DSC1: variants seen among roughly 807,000 people sequenced by gnomAD.
The protein encoded by DSC1 is desmocollin 1, also known as desmocollin-1.
DSC1 carries 79 observed loss-of-function variants against 98.8 expected under a neutral mutation model. The ratio of observed to expected loss-of-function variants is 0.80; its 90% CI spans 0.67 to 0.96. The LOEUF is 0.96. Among genes scored for constraint, DSC1 ranks in the 50% least tolerant of loss-of-function variants. DSC1 has a pLI of 0.00. For synonymous variants in DSC1, 405 were observed against 372.1 expected (o/e 1.09, Z -1.02); for missense variants, 1,115 against 1,075.9 (o/e 1.04, Z -0.51).
At chr18:31,131,351 C>A (rs1988484252) in intron 15 of DSC1, 2 of 515,998 alleles carry the variant, frequency 3.9e-6, no homozygotes, top group Admixed American at 6.9e-5. Flanking sequence ...AACCTTTTAT[C>A]CTTTGTAAAC....
At chr18:31,137,707 A>G (rs1284222954) in intron 11 of DSC1, among the ~76,000 whole-genome samples, 6 of 152,150 alleles carry the variant, frequency 3.9e-5, no homozygotes, top group African/African-American at 1.4e-4. Flanking sequence ...GTATTTAGAG[A>G]AGAACTGAAT....
At chr18:31,140,578 A>C (rs138690155) in intron 9 of DSC1, among the ~76,000 whole-genome samples, 115 of 152,300 alleles carry the variant, frequency 7.6e-4, no homozygotes, top group African/African-American at 2.7e-3. Flanking sequence ...TATTAATAGA[A>C]ATGCAAGATA....
chr18:31,148,608 G>T lies in DSC1; in HGVS notation c.662C>A (p.Ala221Glu), dbSNP rs1166200130. The change falls in exon 6 of 16, where the codon GCA becomes GAA. Residue 221 changes from alanine (A) to glutamate (E), a missense_variant. Coordinates refer to ENST00000257198, the MANE Select transcript of DSC1 (RefSeq NM_024421.2). ...GATCAAAGGGAGTGGATATTCTGGT[G>T]CATAGCCATCTGCAGTTGTTGCATA... is the stretch of plus-strand genomic sequence containing the variant. ...YGYATTADGY[A>E]PEYPLPLIIK... 1 of 1,604,486 alleles carries T rather than the reference G, an allele frequency of 6.2e-7. No individual in the cohort carries two copies. Among genetic ancestry groups the T allele is most frequent in the East Asian group, 2.2e-5 (1 of 44,758 alleles).
At chr18:31,151,341 C>T (rs1228194250) in intron 5 of DSC1, among the ~76,000 whole-genome samples, 1 of 152,070 alleles carries the variant, frequency 6.6e-6, no homozygotes, top group Non-Finnish European at 1.5e-5. Context: ...GAGCCTAACT[C>T]TCTAGGAGAA....
At chr18:31,134,901 T>C (rs1185773515) in intron 11 of DSC1, 117 bp from the exon 12 acceptor site, 1 of 923,960 alleles carries the variant, frequency 1.1e-6, no homozygotes, top group Non-Finnish European at 1.6e-6. Context: ...TGAGTTCGCA[T>C]ACATGCTTCC....
chr18:31,139,925 C>A, intron 10 of DSC1, 35 bp from the exon 11 acceptor site: 1 of 1,577,110 alleles, frequency 6.3e-7, no homozygotes, highest in Non-Finnish European at 8.6e-7. Context: ...ACGGTCAAAT[C>A]AAAGAAGGGA....
chr18:31,150,261 T>TCACCAC (rs1988946754), intron 5 of DSC1, among the ~76,000 whole-genome samples: 4 of 97,624 alleles, frequency 4.1e-5, no homozygotes, highest in Admixed American at 1.1e-4. Context: ...ACCACCACCA[T>TCACCAC]CATCATCACC....
At chr18:31,150,982 T>C (rs1037038648) in intron 5 of DSC1, 2 of 152,190 alleles carry the variant, frequency 1.3e-5, no homozygotes, top group East Asian at 1.9e-4. Flanking sequence ...TCTGTAAAAA[T>C]TGTCATAAAG....
chr18:31,158,488 G>T (rs1052877391), intron 2 of DSC1, among the ~76,000 whole-genome samples: 3 of 151,736 alleles, frequency 2.0e-5, no homozygotes, highest in Non-Finnish European at 4.4e-5. Context: ...TTAAAGCACT[G>T]GGCAAAACAA....
chr18:31,140,157 G>A lies in DSC1; in HGVS notation c.1405C>T (p.Pro469Ser), dbSNP rs759628585. Reference sequence around the variant, plus strand: ...ACTTTCACTGGAGGGTGGCATTCAGGGCCCTCATCACTGTCTATAATTTTA... The same window carrying A: ...ACTTTCACTGGAGGGTGGCATTCAGAGCCCTCATCACTGTCTATAATTTTA... ...TVKIIDSDEG[P>S]ECHPPVKVIQ... The change falls in exon 10 of 16, where the codon CCT (proline) becomes TCT (serine). Residue 469 changes from proline (P) to serine (S), a missense_variant. Transcript: ENST00000257198. 1.2e-5 allele frequency: 20 copies of A among 1,613,698 alleles called. 1 individual carries two copies. The South Asian group carries it at 1.3e-4, about 11-fold the overall frequency.
rs150198827 is a variant in DSC1 at position 31,148,499 on chromosome 18, G to A, written c.771C>T (p.Ser257=). The A allele has an allele frequency of 2.1e-5, 34 of 1,591,414 alleles. No homozygotes were observed. Among genetic ancestry groups the A allele is most frequent in the African/African-American group, 2.7e-5 (2 of 74,566 alleles). The change falls in exon 6 of 16, where the codon TCC becomes TCT. Residue 257 remains serine (S), a splice_region_variant and synonymous_variant. Coordinates refer to ENST00000257198, the MANE Select transcript of DSC1 (RefSeq NM_024421.2). ...TGCTACAATAAAATGTGAACTTACC[G>A]GATCGGCAATTTTCAGGCACAGTAA... ...TIFTVPENCR[S]GTSVGKVTAT...
At chr18:31,152,259 A>G (rs1989015803) in intron 5 of DSC1, among the ~76,000 whole-genome samples, 1 of 152,160 alleles carries the variant, frequency 6.6e-6, no homozygotes, top group Admixed American at 6.6e-5. Context: ...AACTTTTCCA[A>G]AGGTACAGAT....
At position 31,157,695 on chromosome 18, in the gene DSC1, T is replaced by C; in HGVS notation, c.149-122A>G. On this transcript the variant is annotated intron_variant, in intron 2 of 15. Coordinates refer to ENST00000257198, the MANE Select transcript of DSC1 (RefSeq NM_024421.2). ...AAAAAGGGAGGTTACATTTGGAATG[T>C]GCTCAGCACCTGCTATTCTAAAACG... 6.2e-6 allele frequency: 6 copies of C among 973,986 alleles called. No homozygotes were observed. In the South Asian group the frequency reaches 8.7e-5, roughly 14 times the overall value. The allele number at this position is 973,986 out of a possible 1,614,324, so 60.3% of individuals were successfully genotyped here.
chr18:31,159,593 C>T (rs978805392), intron 1 of DSC1, 64 bp from the exon 2 acceptor site: 4 of 1,416,082 alleles, frequency 2.8e-6, no homozygotes, highest in African/African-American at 2.9e-5. Context: ...CACATTGTAG[C>T]TTTTTCTTAT....
At chr18:31,142,635 T>C (rs1445027845) in intron 8 of DSC1, among the ~76,000 whole-genome samples, 1 of 151,918 alleles carries the variant, frequency 6.6e-6, no homozygotes, top group Non-Finnish European at 1.5e-5. Context: ...CCAAATGTAC[T>C]TTTGATTCAC....
chr18:31,151,934 G>A (rs1222218718), intron 5 of DSC1, among the ~76,000 whole-genome samples: 1 of 152,144 alleles, frequency 6.6e-6, no homozygotes, highest in Non-Finnish European at 1.5e-5. Flanking sequence ...GGCCGAGGTG[G>A]GTGAATCACC....
chr18:31,147,347 A>G (rs747121448), intron 6 of DSC1, among the ~76,000 whole-genome samples: 2 of 152,144 alleles, frequency 1.3e-5, no homozygotes, highest in South Asian at 2.1e-4. Context: ...AATATAAAAT[A>G]TCTTTATATT....
chr18:31,156,450 C>T (rs1046510593), intron 3 of DSC1, among the ~76,000 whole-genome samples: 1 of 152,112 alleles, frequency 6.6e-6, no homozygotes, highest in Non-Finnish European at 1.5e-5. Flanking sequence ...ATAGATAATT[C>T]ATTAATAAAT....
intron 5 of DSC1, among the ~76,000 whole-genome samples, chr18:31,153,748 G>A (rs1598628232): frequency 1.3e-5 from 2 of 151,960 alleles, no homozygotes; most frequent in Non-Finnish European, 2.9e-5. Context: ...CTTCAGCCAG[G>A]GTTTGTTGTT....
Sources: allele counts gnomAD v4.1 joint callset (sites outside exome capture counted in the v4.1 genomes callset), GRCh38; gene constraint gnomAD v4.1.1; transcripts MANE v1.5; gene names NCBI Gene and HGNC (gene_info 2026-07-23, HGNC 2026-07-21).